Variants in DENND2C observed in about 807,000 individuals in gnomAD.
The protein encoded by DENND2C is DENN domain-containing protein 2C.
DENND2C carries 72 observed loss-of-function variants against 112.4 expected under a neutral mutation model. The ratio of observed to expected loss-of-function variants is 0.64; its 90% CI spans 0.53 to 0.78. DENND2C has a LOEUF of 0.78. Ranked by LOEUF, DENND2C falls within the 30% of genes least tolerant of loss-of-function variation. DENND2C has a pLI of 0.00. For synonymous variants in DENND2C, 329 were observed against 381.6 expected (o/e 0.86, Z 1.61); for missense variants, 992 against 1,113.8 (o/e 0.89, Z 1.56).
At chr1:114,627,582 CAAAAAAAAA>C (rs5777200) in intron 3 of DENND2C, among the ~76,000 whole-genome samples, 119,822 of 144,258 alleles carry the variant, frequency 0.83, 48,789 homozygotes, top group South Asian at 0.89. Context: ...TAGTCTGACG[CAAAAAAAAA>C]AAAAAAAAAA....
Position 114,600,836 on chromosome 1 carries a change from G to C in DENND2C, c.1940C>G (p.Pro647Arg). The change falls in exon 14 of 21, where the codon CCT (proline) becomes CGT (arginine). Residue 647 changes from proline to arginine, a missense_variant. Physicochemically the swap from Pro to Arg is moderately radical, Grantham distance 103 (BLOSUM62 -2). Around this residue, in one of 3 missense-constraint regions of DENND2C, gnomAD observed 516 missense variants for 623.6 expected, o/e 0.83. Coordinates refer to ENST00000393274, the MANE Select transcript of DENND2C (RefSeq NM_001256404.2). ...CTAACTTACCTCATCTCCAGCCCCA[G>C]GGAGGTAACTCTTAACTGTGATGGT... ...GRTITVKSYL[P>R]GAGDESIELC... 1 of 1,613,098 alleles carries C rather than the reference G, an allele frequency of 6.2e-7. No individual in the cohort carries two copies. The highest frequency in any genetic ancestry group is 8.5e-7 in the Non-Finnish European group (1 of 1,179,554).
intron 3 of DENND2C, among the ~76,000 whole-genome samples, chr1:114,627,274 A>C (rs1300685836): frequency 1.3e-5 from 2 of 152,230 alleles, no homozygotes; most frequent in Non-Finnish European, 2.9e-5. Flanking sequence ...CTGAGTGAAG[A>C]CCTGATCTCA....
At chr1:114,660,622 G>A (rs1657466411) in intron 1 of DENND2C, among the ~76,000 whole-genome samples, 1 of 152,130 alleles carries the variant, frequency 6.6e-6, no homozygotes, top group African/African-American at 2.4e-5. Context: ...ACGGGAGGCT[G>A]GACAGGGGGA....
At chr1:114,667,112 A>C (rs1657667032) in intron 1 of DENND2C, among the ~76,000 whole-genome samples, 1 of 152,136 alleles carries the variant, frequency 6.6e-6, no homozygotes, top group Non-Finnish European at 1.5e-5. Flanking sequence ...GTTTTCATTC[A>C]TATCTCCTGT....
chr1:114,630,513 CAGGT>C (rs369120006), intron 3 of DENND2C, among the ~76,000 whole-genome samples: 1,721 of 152,174 alleles, frequency 0.011, 26 homozygotes, highest in African/African-American at 0.039. Context: ...GAAAATGAGG[CAGGT>C]CCTATGATGG....
intron 1 of DENND2C, among the ~76,000 whole-genome samples, chr1:114,666,117 C>A (rs1657640986): frequency 6.6e-6 from 1 of 152,190 alleles, no homozygotes; most frequent in African/African-American, 2.4e-5. Flanking sequence ...CTTTTCTGTT[C>A]CTCTTTTGAG....
chr1:114,650,786 T>C (rs1319088999), intron 2 of DENND2C, among the ~76,000 whole-genome samples: 1 of 152,162 alleles, frequency 6.6e-6, no homozygotes, highest in African/African-American at 2.4e-5. Flanking sequence ...TTCTAAAGCT[T>C]AAAATCCAGA....
Position 114,623,725 on chromosome 1 carries a change from TTTGA to T in DENND2C, c.807-86_807-83del, listed in dbSNP as rs1656253245. 9 of 997,564 alleles carry T rather than the reference TTTGA, an allele frequency of 9.0e-6. 1 individual carries two copies. The highest frequency in any genetic ancestry group is 1.0e-5 in the Non-Finnish European group (8 of 772,254). 61.8% of individuals were successfully genotyped at this position (997,564 alleles called of 1,614,324 possible). Reference sequence around the variant, plus strand: ...TTTAAAATTTTTATTTATTTATTTGTTTGATTGTTTGTTTTATTATTATTTTTTG... The same window carrying T: ...TTTAAAATTTTTATTTATTTATTTGTTTGTTTGTTTTATTATTATTTTTTG... On this transcript the variant is annotated intron_variant, in intron 4 of 20. Coordinates refer to ENST00000393274, the MANE Select transcript of DENND2C (RefSeq NM_001256404.2).
At position 114,626,032 on chromosome 1, in the gene DENND2C, T is replaced by A. The variant is rs775120158; in HGVS notation, c.-48A>T. On this transcript the variant is annotated 5_prime_UTR_variant, in exon 4 of 21. It removes an upstream start codon present in the reference 5' UTR. Transcript: ENST00000393274. The stretch of plus-strand genomic sequence containing the variant: ...AGTGATGAATCTTACAAAGGTTCCA[T>A]TACAAGTAAATGTGAAATATTGTAT... The A allele has an allele frequency of 6.7e-7, 1 of 1,491,664 alleles. No homozygotes were observed. The highest frequency in any genetic ancestry group is 2.3e-5 in the East Asian group (1 of 44,062). The allele number at this position is 1,491,664 out of a possible 1,614,324, so 92.4% of individuals were successfully genotyped here. A position where few individuals can be genotyped will look rare whatever the true frequency, so the allele number is the denominator to read the frequency against.
In DENND2C at chr1:114,597,205, A is replaced by G. The variant is rs1655364189; in HGVS notation, c.2284-1332T>C. Among the ~76,000 whole-genome samples, 3 of 152,292 alleles carry G rather than the reference A, an allele frequency of 2.0e-5. No homozygotes were observed. In the South Asian group the frequency reaches 6.2e-4, roughly 32 times the overall value. On this transcript the variant is annotated intron_variant, in intron 16 of 20. Transcript: ENST00000393274. ...ACTCCAGTAATCCCAGCACTTTGGG[A>G]GGCTGAGGCGGGCGGATCACCTGGG... is the stretch of plus-strand genomic sequence containing the variant.
At chr1:114,615,296 A>G (rs1655934977) in intron 8 of DENND2C, among the ~76,000 whole-genome samples, 1 of 152,214 alleles carries the variant, frequency 6.6e-6, no homozygotes, top group Non-Finnish European at 1.5e-5. Context: ...TACCTTTGAC[A>G]ATACCATTGT....
chr1:114,619,805 T>C (rs547954420), intron 7 of DENND2C, among the ~76,000 whole-genome samples: 4 of 152,308 alleles, frequency 2.6e-5, no homozygotes, highest in African/African-American at 9.6e-5. Context: ...GAATCAAAAG[T>C]ATATTCAAGT....
At position 114,626,103 on chromosome 1, in the gene DENND2C, T is replaced by A. The variant is rs1205272506; in HGVS notation, c.-119A>T. The A allele has an allele frequency of 9.3e-7, 1 of 1,079,548 alleles. No individual in the cohort carries two copies. The highest frequency in any genetic ancestry group is 1.3e-6 in the Non-Finnish European group (1 of 778,466). 66.9% of individuals were successfully genotyped at this position (1,079,548 alleles called of 1,614,324 possible). A position where few individuals can be genotyped will look rare whatever the true frequency, so the allele number is the denominator to read the frequency against. On this transcript the variant is annotated 5_prime_UTR_variant, in exon 4 of 21. It removes an upstream start codon present in the reference 5' UTR. Transcript: ENST00000393274. ...AAATGATTCCAGTATTTTCCCTTCA[T>A]GTTTAACTTGTAAATCTCTTTGTAA...
intron 18 of DENND2C, among the ~76,000 whole-genome samples, chr1:114,589,449 T>C (rs74115246): frequency 0.052 from 7,897 of 152,300 alleles, 230 homozygotes; most frequent in South Asian, 0.085. Context: ...GTTTTTGTTA[T>C]ATTTTGTCCA....
chr1:114,600,788 C>G, intron 14 of DENND2C, 32 bp downstream of exon 14: 1 of 1,597,222 alleles, frequency 6.3e-7, no homozygotes, highest in Non-Finnish European at 8.5e-7. Flanking sequence ...CTTTTTAGTG[C>G]TATCAAATCT....
chr1:114,608,645 C>A, intron 10 of DENND2C, 41 bp downstream of exon 10: 3 of 1,594,806 alleles, frequency 1.9e-6, no homozygotes, highest in Non-Finnish European at 2.6e-6. Context: ...CACAGAGACA[C>A]AGGAACATTC....
At chr1:114,617,035 G>GTGAGACTTATTCACTCTCA (rs1553234371) in intron 8 of DENND2C, among the ~76,000 whole-genome samples, 1 of 152,080 alleles carries the variant, frequency 6.6e-6, no homozygotes, top group Non-Finnish European at 1.5e-5. Flanking sequence ...ATCAGTTCTC[G>GTGAGACTTATTCACTCTCA]TGAGACTTAT....
intron 2 of DENND2C, among the ~76,000 whole-genome samples, chr1:114,647,597 T>A (rs747526313): frequency 3.9e-5 from 6 of 152,202 alleles, no homozygotes; most frequent in Non-Finnish European, 8.8e-5. Context: ...ATTTTTGTAT[T>A]TTTAGTAGAG....
intron 12 of DENND2C, 106 bp downstream of exon 12, chr1:114,602,019 C>A: frequency 9.3e-7 from 1 of 1,078,726 alleles, no homozygotes; most frequent in South Asian, 1.5e-5. Flanking sequence ...ATACACAGAT[C>A]ATTGAGCATC....
Sources: gnomAD v4.1 joint callset for allele counts (sites outside exome capture counted in the v4.1 genomes callset) on GRCh38, gnomAD v4.1.1 for gene constraint, gnomAD v4.1.1 regional missense constraint, MANE v1.5 for transcripts, NCBI Gene and HGNC (gene_info 2026-07-23, HGNC 2026-07-21) for gene names.